CUL4A: variants seen among roughly 807,000 people sequenced by gnomAD.
The protein encoded by CUL4A is cullin-4A.
Under a neutral mutation model 95.5 loss-of-function variants are expected in CUL4A, and 16 were observed. That is an observed-to-expected ratio of 0.17 (90% CI 0.11 to 0.25). The LOEUF (loss-of-function observed/expected upper bound fraction) is 0.25. CUL4A is among the 10% of genes least tolerant of loss of function. The pLI is 1.00. For missense variants in CUL4A, 610 were observed against 937.0 expected (o/e 0.65, Z 4.56); for synonymous variants, 380 against 353.1 (o/e 1.08, Z -0.85).
chr13:113,232,011 G>C, intron 5 of CUL4A, among the ~76,000 whole-genome samples: 1 of 67,744 alleles, frequency 1.5e-5, no homozygotes, highest in South Asian at 5.4e-4. Context: ...TGTTACTACT[G>C]CCACCACCAC....
intron 5 of CUL4A, among the ~76,000 whole-genome samples, chr13:113,232,190 C>CCCACCACCATTACTGT (rs1566343716): frequency 0.017 from 34 of 1,990 alleles, 9 homozygotes; most frequent in Non-Finnish European, 0.057. Context: ...ATTACTGCTG[C>CCCACCACCATTACTGT]CACCACTACC....
At chr13:113,247,892 T>C (rs983458684) in intron 15 of CUL4A, among the ~76,000 whole-genome samples, 2 of 152,206 alleles carry the variant, frequency 1.3e-5, no homozygotes, top group African/African-American at 4.8e-5. Context: ...GTCTCAGATA[T>C]GTCCTTTGTG....
intron 6 of CUL4A, among the ~76,000 whole-genome samples, chr13:113,233,567 A>G (rs1566346564): frequency 6.6e-6 from 1 of 152,212 alleles, no homozygotes; most frequent in Non-Finnish European, 1.5e-5. Context: ...GGATAGATCA[A>G]TATCACTACA....
At chr13:113,220,559 T>C (rs187156994) in intron 3 of CUL4A, among the ~76,000 whole-genome samples, 115 of 152,336 alleles carry the variant, frequency 7.5e-4, no homozygotes, top group African/African-American at 2.5e-3. Context: ...ACTCCTAGGC[T>C]TGGGGGAAGT....
chr13:113,263,665 C>CT lies in CUL4A; in HGVS notation c.*84dup, dbSNP rs1450036886. 1.2e-6 allele frequency: 1 copy of CT among 852,428 alleles called. No homozygotes were observed. Among genetic ancestry groups the CT allele is most frequent in the Admixed American group, 2.5e-5 (1 of 40,448 alleles). 52.8% of individuals were successfully genotyped at this position (852,428 alleles called of 1,614,324 possible). ...GCACACCTGTGCCATTTCTGGGACT[C>CT]TGATTGATCCAGCTGTGGACATTGG... On this transcript the variant is annotated 3_prime_UTR_variant, in exon 20 of 20. Transcript: ENST00000375440.
At chr13:113,223,119 A>AC (rs2040962166) in intron 3 of CUL4A, among the ~76,000 whole-genome samples, 1 of 152,168 alleles carries the variant, frequency 6.6e-6, no homozygotes, top group South Asian at 2.1e-4. Flanking sequence ...ACGTTAACCT[A>AC]GTAAACATGG....
At chr13:113,235,828 G>A (rs767495370) in intron 8 of CUL4A, among the ~76,000 whole-genome samples, 1 of 152,100 alleles carries the variant, frequency 6.6e-6, no homozygotes, top group Non-Finnish European at 1.5e-5. Context: ...AAAATTAGCC[G>A]GGCGTGGTGG....
At chr13:113,219,313 TTATTCTAA>T (rs113197775) in intron 3 of CUL4A, 26 of 344,918 alleles carry the variant, frequency 7.5e-5, no homozygotes, top group African/African-American at 5.6e-4. Context: ...TGAGTATCCT[TTATTCTAA>T]TAAACACCAT....
At chr13:113,238,624 GTAAAA>G (rs1177026380) in intron 9 of CUL4A, among the ~76,000 whole-genome samples, 1 of 152,138 alleles carries the variant, frequency 6.6e-6, no homozygotes, top group Non-Finnish European at 1.5e-5. Context: ...ATGGGTTTTA[GTAAAA>G]TAAAGTATAA....
intron 4 of CUL4A, among the ~76,000 whole-genome samples, 179 bp downstream of exon 4, chr13:113,228,224 A>G (rs2041177943): frequency 6.6e-6 from 1 of 152,214 alleles, no homozygotes; most frequent in East Asian, 1.9e-4. Flanking sequence ...AGAGGGCACC[A>G]CTGACCCTCT....
intron 4 of CUL4A, 84 bp from the exon 5 acceptor site, chr13:113,229,362 A>C: frequency 1.7e-5 from 18 of 1,065,530 alleles, no homozygotes; most frequent in Non-Finnish European, 2.4e-5. Context: ...GATTTGAGAC[A>C]GCTAGCATGG....
At chr13:113,250,517 A>G (rs976645970) in intron 15 of CUL4A, among the ~76,000 whole-genome samples, 6 of 152,180 alleles carry the variant, frequency 3.9e-5, no homozygotes, top group Non-Finnish European at 8.8e-5. Context: ...GTTTTAGCTC[A>G]TATGTTTCAG....
intron 15 of CUL4A, 93 bp downstream of exon 15, chr13:113,246,156 TTTAAAAATAG>T (rs2041851448): frequency 1.1e-6 from 1 of 920,956 alleles, no homozygotes; most frequent in Admixed American, 2.5e-5. Context: ...ATGGGGAGTT[TTTAAAAATAG>T]CCCACTCAGT....
intron 8 of CUL4A, among the ~76,000 whole-genome samples, chr13:113,236,165 C>T (rs867912422): frequency 6.6e-6 from 1 of 151,892 alleles, no homozygotes; most frequent in East Asian, 1.9e-4. Flanking sequence ...GAATCCAGCA[C>T]AAAAACAGAG....
intron 2 of CUL4A, 77 bp downstream of exon 2, chr13:113,210,165 GC>G: frequency 1.0e-6 from 1 of 981,218 alleles, no homozygotes; most frequent in Non-Finnish European, 1.4e-6. Flanking sequence ...CGCTCCGGGT[GC>G]CTCGCAGGCT....
At chr13:113,230,233 G>A (rs1235318103) in intron 5 of CUL4A, 3 of 152,674 alleles carry the variant, frequency 2.0e-5, no homozygotes, top group Non-Finnish European at 2.9e-5. Flanking sequence ...TTAAACCCAA[G>A]TTCTTTAAAA....
Position 113,210,004 on chromosome 13 carries a change from G to A in CUL4A, c.180G>A (p.Gln60=). The change falls in exon 2 of 20, where the codon CAG becomes CAA. Residue 60 remains glutamine, a synonymous_variant. Coordinates refer to ENST00000375440, the MANE Select transcript of CUL4A (RefSeq NM_001008895.4). The part of the protein sequence containing the change: ...DRPRLPDNYT[Q]DTWRKLHEAV... ...CTCGGCTGCCCGACAACTACACGCA[G>A]GACACGTGGCGGAAGCTGCACGAGG... The A allele has an allele frequency of 2.0e-6, 3 of 1,522,982 alleles. No individual in the cohort carries two copies. The highest frequency in any genetic ancestry group is 2.6e-6 in the Non-Finnish European group (3 of 1,136,080). 94.3% of individuals were successfully genotyped at this position (1,522,982 alleles called of 1,614,324 possible).
chr13:113,252,319 T>G (rs1566367522), intron 15 of CUL4A, among the ~76,000 whole-genome samples: 1 of 152,066 alleles, frequency 6.6e-6, no homozygotes, highest in Non-Finnish European at 1.5e-5. Flanking sequence ...GAGGAGCGCT[T>G]GGGCCCAGGA....
chr13:113,229,761 A>C (rs1303911129), intron 5 of CUL4A: 2 of 539,784 alleles, frequency 3.7e-6, no homozygotes, highest in Non-Finnish European at 6.5e-6. Flanking sequence ...TTTGGTCATG[A>C]GGGTGAAGAC....
Sources: allele counts gnomAD v4.1 joint callset (sites outside exome capture counted in the v4.1 genomes callset), GRCh38; gene constraint gnomAD v4.1.1; transcripts MANE v1.5; gene names NCBI Gene and HGNC (gene_info 2026-07-23, HGNC 2026-07-21).